NFATC4: variants seen among roughly 807,000 people sequenced by gnomAD.
NFATC4 encodes the protein nuclear factor of activated T-cells, cytoplasmic 4.
A neutral mutation model predicts 73.4 loss-of-function variants in NFATC4; 25 were observed. The observed-to-expected ratio is 0.34, with a 90% CI of 0.25 to 0.48. The LOEUF (loss-of-function observed/expected upper bound fraction) is 0.48. NFATC4 is among the 20% of genes least tolerant of loss of function. The pLI is 0.99. For missense variants in NFATC4, 1,130 were observed against 1,203.7 expected, an observed-to-expected ratio of 0.94 and a Z score of 0.91; for synonymous variants, 523 against 510.3, an observed-to-expected ratio of 1.02 and a Z score of -0.34.
chr14:24,370,142 A>G lies in NFATC4; in HGVS notation c.744A>G (p.Leu248=). 6.2e-7 allele frequency: 1 copy of G among 1,603,098 alleles called. No individual in the cohort carries two copies. The stretch of plus-strand genomic sequence containing the variant: ...GCCGAGGGCCAGAGGATAGCTGGCT[A>G]CTCCTCAGTGCTCCTGGGCCCACCC... ...PGGRGPEDSW[L]LLSAPGPTPA... is the part of the protein sequence containing the mutation. The change falls in exon 2 of 10, where the codon CTA becomes CTG. Residue 248 remains leucine, a synonymous_variant. Coordinates refer to ENST00000250373, the MANE Select transcript of NFATC4 (RefSeq NM_004554.5).
At chr14:24,374,560 G>T (rs760714186) in intron 6 of NFATC4, 94 bp downstream of exon 6, 7 of 1,293,990 alleles carry the variant, frequency 5.4e-6, no homozygotes, top group Non-Finnish European at 7.4e-6. Flanking sequence ...GGCCAGTGGA[G>T]CCTCAGTTTT....
Position 24,370,513 on chromosome 14 carries a change from T to C in NFATC4, c.1115T>C (p.Val372Ala). ...CCTCCAGGAGGTTCCCGGAAGGAGG[T>C]GGCTGGCATGGACTACCTGGCAGTG... ...VAPPGGSRKEVAGMDYLAVPS... is the reference protein window; with the variant it reads ...VAPPGGSRKEAAGMDYLAVPS... The change falls in exon 2 of 10, where the codon GTG becomes GCG. Residue 372 changes from valine to alanine, a missense_variant. Transcript: ENST00000250373. 2 of 1,613,860 alleles carry C rather than the reference T, an allele frequency of 1.2e-6. No individual in the cohort carries two copies. The highest frequency in any genetic ancestry group is 1.7e-6 in the Non-Finnish European group (2 of 1,179,954).
Position 24,376,526 on chromosome 14 carries a change from G to A in NFATC4, c.2289G>A (p.Arg763=). The change falls in exon 9 of 10, where the codon CGG becomes CGA. Residue 763 remains arginine (R), a synonymous_variant. Coordinates refer to ENST00000250373, the MANE Select transcript of NFATC4 (RefSeq NM_004554.5). This position sits in a 1 kb window ranked among gnomAD's most constrained non-coding sequence, Gnocchi z 5.0. ...CACCATCCTACAGACCGGGCCTGCG[G>A]ATGTTCCCTGAGACTAGGGGTACCA... ...GPPPSYRPGL[R]MFPETRGTTG... 6.2e-7 allele frequency: 1 copy of A among 1,614,024 alleles called. No homozygotes were observed. Among genetic ancestry groups the A allele is most frequent in the Non-Finnish European group, 8.5e-7 (1 of 1,179,974 alleles).
In NFATC4 at chr14:24,369,717, G is replaced by C. The variant is rs1384456754; in HGVS notation, c.319G>C (p.Gly107Arg). 8 of 1,610,638 alleles carry C rather than the reference G, an allele frequency of 5.0e-6. No individual in the cohort carries two copies. The highest frequency in any genetic ancestry group is 6.8e-6 in the Non-Finnish European group (8 of 1,178,330). The change falls in exon 2 of 10, where the codon GGT becomes CGT. Residue 107 changes from glycine to arginine, a missense_variant. Physicochemically the swap from Gly to Arg is moderately radical, Grantham distance 125 (BLOSUM62 -2). Around this residue, in one of 3 missense-constraint regions of NFATC4, gnomAD observed 585 missense variants for 574.3 expected, o/e 1.02. Transcript: ENST00000250373. ...AGGAGGGGGTGCTGGGGGTGCTGGG[G>C]GTGGCCGTGTTCTCGAGTGTCCCAG... ...GPGGGAGGAG[G>R]GRVLECPSIR...
chr14:24,372,268 T>TAGTTTAAAAA, intron 2 of NFATC4, 173 bp from the exon 3 acceptor site: 1 of 681,570 alleles, frequency 1.5e-6, no homozygotes, highest in Non-Finnish European at 2.4e-6. Context: ...GTCCTTTTTT[T>TAGTTTAAAAA]AGTTTAAAAA....
chr14:24,376,792 G>A lies in NFATC4; in HGVS notation c.2555G>A (p.Gly852Glu), dbSNP rs766342952. 6 of 1,611,344 alleles carry A rather than the reference G, an allele frequency of 3.7e-6. No homozygotes were observed. Among genetic ancestry groups the A allele is most frequent in the Admixed American group, 3.4e-5 (2 of 59,244 alleles). ...GGGCCAGGCTATGGCCCTGGGGAGG[G>A]GGCTCCGGAGCAGGAGAAATCCAGG... ...KVGPGYGPGE[G>E]APEQEKSRGG... is the part of the protein sequence containing the mutation. Residue 852 changes from glycine to glutamate, a missense_variant, in exon 9 of 10, where the codon GGG becomes GAG. Transcript: ENST00000250373. The surrounding 1 kb of genome is among the most constrained non-coding windows in gnomAD (Gnocchi z 5.0).
chr14:24,376,268 T>C lies in NFATC4; in HGVS notation c.2057-26T>C, dbSNP rs1359976877. ...GAGACTACCAGACCTCTCACCAGCA[T>C]GTCCTCCCACTTCCTGTCTTCCCAG... On this transcript the variant is annotated intron_variant, in intron 8 of 9. Coordinates refer to ENST00000250373, the MANE Select transcript of NFATC4 (RefSeq NM_004554.5). The surrounding 1 kb of genome is among the most constrained non-coding windows in gnomAD (Gnocchi z 5.0). 6.4e-7 allele frequency: 1 copy of C among 1,558,140 alleles called. No individual in the cohort carries two copies. Among genetic ancestry groups the C allele is most frequent in the Admixed American group, 1.9e-5 (1 of 53,836 alleles).
At chr14:24,375,757 G>GGGGGGC in intron 7 of NFATC4, 42 bp downstream of exon 7, 5 of 566,434 alleles carry the variant, frequency 8.8e-6, no homozygotes, top group Non-Finnish European at 1.6e-5. Flanking sequence ...GCGGGGGTGG[G>GGGGGGC]AGAAGGCAGG....
chr14:24,369,101 G>A, intron 1 of NFATC4: 1 of 1,424,960 alleles, frequency 7.0e-7, no homozygotes. Context: ...ATGGCAACTG[G>A]GGCTCCTGCC....
intron 1 of NFATC4, chr14:24,368,895 CG>C: frequency 4.5e-6 from 1 of 222,726 alleles, no homozygotes; most frequent in Non-Finnish European, 7.6e-6. Context: ...AGGCAGATGG[CG>C]GGGACCGAGC....
rs2042363050 is a variant in NFATC4, at chr14:24,368,354, G to A, written c.14G>A (p.Ser5Asn). Residue 5 changes from serine to asparagine, a missense_variant, in exon 1 of 10, where the codon AGC becomes AAC. Transcript: ENST00000250373. MGAA[S>N]CEDEELEFKL... ...CCTGCCGGATCCATGGGGGCGGCCAGCTGCGAGGATGAGGAGCTGGAATTT... is the reference window on the plus strand; with the variant it reads ...CCTGCCGGATCCATGGGGGCGGCCAACTGCGAGGATGAGGAGCTGGAATTT... 1 of 1,384,830 alleles carries A rather than the reference G, an allele frequency of 7.2e-7. No individual in the cohort carries two copies. Among genetic ancestry groups the A allele is most frequent in the South Asian group, 1.8e-5 (1 of 55,388 alleles). The allele number at this position is 1,384,830 out of a possible 1,614,324, so 85.8% of individuals were successfully genotyped here.
intron 6 of NFATC4, among the ~76,000 whole-genome samples, chr14:24,375,303 C>T (rs758460580): frequency 1.3e-5 from 2 of 152,116 alleles, no homozygotes; most frequent in Non-Finnish European, 2.9e-5. Flanking sequence ...TGCGTTCTGT[C>T]GAGCTAGGAC....
At chr14:24,375,579 C>G (rs2042590390) in intron 6 of NFATC4, 81 bp from the exon 7 acceptor site, 6 of 1,489,786 alleles carry the variant, frequency 4.0e-6, no homozygotes, top group Non-Finnish European at 5.5e-6. Context: ...TTGGCTCTAA[C>G]AGGAGGGGAA....
chr14:24,373,589 A>C lies in NFATC4; in HGVS notation c.1560-106A>C. On this transcript the variant is annotated intron_variant, in intron 4 of 9. Transcript: ENST00000250373. The surrounding 1 kb of genome is among the most constrained non-coding windows in gnomAD (Gnocchi z 4.7). ...AAAATAGCCTCCTAGGCACTCATCG[A>C]AAGTCATTCAAGGCTTTGGATGGAG... 6.6e-7 allele frequency: 1 copy of C among 1,505,206 alleles called. No homozygotes were observed. Among genetic ancestry groups the C allele is most frequent in the Non-Finnish European group, 9.0e-7 (1 of 1,115,308 alleles). The allele number at this position is 1,505,206 out of a possible 1,614,324, so 93.2% of individuals were successfully genotyped here.
chr14:24,373,005 G>A lies in NFATC4; in HGVS notation c.1360-166G>A. 1 of 708,352 alleles carries A rather than the reference G, an allele frequency of 1.4e-6. No individual in the cohort carries two copies. The highest frequency in any genetic ancestry group is 1.9e-5 in the South Asian group (1 of 52,382). The allele number at this position is 708,352 out of a possible 1,614,324, so 43.9% of individuals were successfully genotyped here. ...TCCAAGAAAAACACTGTGAACTCCA[G>A]GCCATGTTTTCTCCACAACGGGTGC... On this transcript the variant is annotated intron_variant, in intron 3 of 9. Transcript: ENST00000250373. The surrounding 1 kb of genome is among the most constrained non-coding windows in gnomAD (Gnocchi z 4.7).
chr14:24,373,178 G>A lies in NFATC4; in HGVS notation c.1367G>A (p.Gly456Asp), dbSNP rs1434736125. 6.2e-7 allele frequency: 1 copy of A among 1,614,084 alleles called. No homozygotes were observed. Among genetic ancestry groups the A allele is most frequent in the Non-Finnish European group, 8.5e-7 (1 of 1,179,978 alleles). The change falls in exon 4 of 10, where the codon GGC (glycine) becomes GAC (aspartate). Residue 456 changes from glycine to aspartate, a missense_variant. Around this residue, in one of 3 missense-constraint regions of NFATC4, gnomAD observed 155 missense variants for 221.2 expected, o/e 0.70. Coordinates refer to ENST00000250373, the MANE Select transcript of NFATC4 (RefSeq NM_004554.5). This position sits in a 1 kb window ranked among gnomAD's most constrained non-coding sequence, Gnocchi z 4.7. ...GCTCTCTCCCTCTGCCAGCTCCTAG[G>A]CTACAGTGAGAAGCCACTGACCCTA... ...PGGHPVVKLLGYSEKPLTLQM... is the reference protein window; with the variant it reads ...PGGHPVVKLLDYSEKPLTLQM...
chr14:24,369,699 G>A lies in NFATC4; in HGVS notation c.301G>A (p.Gly101Ser), dbSNP rs757631477. ...GGTGAGGCTGGGAGGACCAGGAGGGGGTGCTGGGGGTGCTGGGGGTGGCCG... is the reference window on the plus strand; with the variant it reads ...GGTGAGGCTGGGAGGACCAGGAGGGAGTGCTGGGGGTGCTGGGGGTGGCCG... ...RSVRLGGPGG[G>S]AGGAGGGRVL... Residue 101 changes from glycine to serine, a missense_variant, in exon 2 of 10, where the codon GGT becomes AGT. Transcript: ENST00000250373. 36 of 1,609,024 alleles carry A rather than the reference G, an allele frequency of 2.2e-5. No individual in the cohort carries two copies. The highest frequency in any genetic ancestry group is 5.1e-6 in the Non-Finnish European group (6 of 1,177,148).
chr14:24,368,306 AC>A lies in NFATC4; in HGVS notation c.-32del. The A allele has an allele frequency of 1.5e-6, 2 of 1,379,302 alleles. No individual in the cohort carries two copies. The highest frequency in any genetic ancestry group is 9.4e-7 in the Non-Finnish European group (1 of 1,067,052). The allele number at this position is 1,379,302 out of a possible 1,614,324, so 85.4% of individuals were successfully genotyped here. ...GCAGCCTCCTGAACTCCCCCCTCCCACCCAGGCCGGGACCTGGGGGCTCCTG... is the reference window on the plus strand; with the variant it reads ...GCAGCCTCCTGAACTCCCCCCTCCCACCAGGCCGGGACCTGGGGGCTCCTG... On this transcript the variant is annotated 5_prime_UTR_variant, in exon 1 of 10. Transcript: ENST00000250373.
chr14:24,372,581 C>G lies in NFATC4; in HGVS notation c.1337C>G (p.Pro446Arg). ...AGCCGTGGAGCTGTCAAAGCTGCCC[C>G]TGGCGGTCACCCCGTAGTCAAGGTA... ...EGSRGAVKAA[P>R]GGHPVVKLLG... The change falls in exon 3 of 10, where the codon CCT becomes CGT. Residue 446 changes from proline to arginine, a missense_variant. Transcript: ENST00000250373. 1 of 1,614,080 alleles carries G rather than the reference C, an allele frequency of 6.2e-7. No homozygotes were observed. Among genetic ancestry groups the G allele is most frequent in the East Asian group, 2.2e-5 (1 of 44,886 alleles).
Sources: gnomAD v4.1 joint callset for allele counts (sites outside exome capture counted in the v4.1 genomes callset) on GRCh38, gnomAD v4.1.1 for gene constraint, gnomAD v4.1.1 regional missense constraint, Gnocchi (gnomAD v3.1) non-coding constraint, MANE v1.5 for transcripts, NCBI Gene and HGNC (gene_info 2026-07-23, HGNC 2026-07-21) for gene names.